ENO4: variants seen among roughly 807,000 people sequenced by gnomAD.
ENO4 encodes the protein 2-phospho-D-glycerate hydro-lyase.
A neutral mutation model predicts 63.2 loss-of-function variants in ENO4; 53 were observed. The observed-to-expected ratio is 0.84, with a 90% CI of 0.67 to 1.05. The LOEUF is 1.05. ENO4 is among the 50% of genes least tolerant of loss of function. The pLI is 0.00. For missense variants in ENO4, 719 were observed against 772.0 expected (o/e 0.93, Z 0.81); for synonymous variants, 266 against 283.8 (o/e 0.94, Z 0.63).
intron 10 of ENO4, among the ~76,000 whole-genome samples, chr10:116,889,986 C>T (rs1243474946): frequency 6.6e-6 from 1 of 152,078 alleles, no homozygotes; most frequent in Non-Finnish European, 1.5e-5. Context: ...TCATTCCTAT[C>T]GTATGGGAAG....
intron 10 of ENO4, among the ~76,000 whole-genome samples, chr10:116,893,742 T>C (rs1294110260): frequency 6.6e-6 from 1 of 152,098 alleles, no homozygotes; most frequent in Non-Finnish European, 1.5e-5. Context: ...CAAACCTCTC[T>C]TAAGGAATGG....
chr10:116,870,082 ATAAAAGTTTCTTCT>A (rs973668459), intron 8 of ENO4, among the ~76,000 whole-genome samples: 5 of 152,218 alleles, frequency 3.3e-5, no homozygotes, highest in African/African-American at 1.2e-4. Flanking sequence ...TGTTTGCCAA[ATAAAAGTTTCTTCT>A]CATTGACATT....
intron 10 of ENO4, chr10:116,906,677 A>G (rs1361020980): frequency 6.2e-7 from 1 of 1,613,522 alleles, no homozygotes; most frequent in South Asian, 1.1e-5. Context: ...AATCCTTTCT[A>G]ACTCAGTTTC....
chr10:116,853,809 C>G (rs1343044300), intron 1 of ENO4, among the ~76,000 whole-genome samples: 2 of 152,124 alleles, frequency 1.3e-5, no homozygotes, highest in African/African-American at 4.8e-5. Context: ...CTTCTGGGGC[C>G]CCACCTCTGA....
At position 116,866,807 on chromosome 10, in the gene ENO4, T is replaced by TA. The variant is rs778370507; in HGVS notation, c.991-1828dup. 2.3e-3 allele frequency among the ~76,000 whole-genome samples: 321 copies of TA among 138,988 alleles called. 1 individual carries two copies. Among genetic ancestry groups the TA allele is most frequent in the Non-Finnish European group, 2.1e-3 (136 of 63,688 alleles). 91.2% of individuals were successfully genotyped at this position (138,988 alleles called of 152,430 possible). On this transcript the variant is annotated intron_variant, in intron 7 of 13. Coordinates refer to ENST00000341276, the MANE Select transcript of ENO4 (RefSeq NM_001242699.2). ...GTGACAGAGGGAGATCCTGTCCCAT[T>TA]AAAAAAAAAAAAAAATCCTGTATGG...
At chr10:116,879,848 T>TA (rs994669722) in intron 12 of ENO4, 21 bp from the exon 13 acceptor site, 2 of 1,529,320 alleles carry the variant, frequency 1.3e-6, no homozygotes, top group African/African-American at 2.8e-5. Flanking sequence ...CGTCTAAAAT[T>TA]AGTTTTTTCC....
At chr10:116,884,172 G>A, downstream of ENO4, 1 of 454,662 alleles carries the variant, frequency 2.2e-6, no homozygotes, top group Non-Finnish European at 4.4e-6. Context: ...TGTAAGTTTT[G>A]TGTGTGCAAT....
chr10:116,849,690 T>G lies in ENO4; in HGVS notation c.124T>G (p.Ser42Ala), dbSNP rs1845999070. 6.5e-7 allele frequency: 1 copy of G among 1,547,284 alleles called. No individual in the cohort carries two copies. Among genetic ancestry groups the G allele is most frequent in the Non-Finnish European group, 8.7e-7 (1 of 1,145,510 alleles). Reference protein sequence around the residue: ...VPRRLEELLNSTFYLQPADVY... With the variant: ...VPRRLEELLNATFYLQPADVY... ...GCGCAGGCTGGAAGAGCTGCTCAAC[T>G]CCACCTTCTACCTCCAGCCTGCCGA... The change falls in exon 1 of 14, where the codon TCC (serine) becomes GCC (alanine). Residue 42 changes from serine (S) to alanine (A), a missense_variant. Physicochemically the swap from Ser to Ala is moderately conservative, Grantham distance 99 (BLOSUM62 1). Transcript: ENST00000341276.
intron 9 of ENO4, among the ~76,000 whole-genome samples, chr10:116,873,074 T>C (rs1846740552): frequency 1.3e-5 from 2 of 152,210 alleles, no homozygotes; most frequent in African/African-American, 4.8e-5. Flanking sequence ...TTGCTTATAT[T>C]CAGTAAAATG....
intron 1 of ENO4, among the ~76,000 whole-genome samples, chr10:116,854,063 TA>T (rs1846175104): frequency 6.6e-6 from 1 of 152,198 alleles, no homozygotes; most frequent in Admixed American, 6.5e-5. Flanking sequence ...GTGGGCTTTC[TA>T]TCTCAGCTTC....
At chr10:116,864,930 G>A (rs996783913) in intron 7 of ENO4, among the ~76,000 whole-genome samples, 1 of 151,844 alleles carries the variant, frequency 6.6e-6, no homozygotes, top group Non-Finnish European at 1.5e-5. Context: ...TGAGGCAGGA[G>A]AATCACTTGA....
At chr10:116,890,120 A>C (rs1365275626) in intron 10 of ENO4, among the ~76,000 whole-genome samples, 1 of 152,038 alleles carries the variant, frequency 6.6e-6, no homozygotes, top group Non-Finnish European at 1.5e-5. Flanking sequence ...AGAAGCTCAA[A>C]TGCAACACTT....
intron 10 of ENO4, among the ~76,000 whole-genome samples, chr10:116,874,870 C>T (rs538597153): frequency 2.6e-4 from 40 of 152,176 alleles, no homozygotes; most frequent in Middle Eastern, 3.4e-3. Flanking sequence ...AACAAGGTTT[C>T]GCCATGTTGC....
chr10:116,870,967 T>C (rs966194386), intron 8 of ENO4, among the ~76,000 whole-genome samples, 158 bp from the exon 9 acceptor site: 1 of 152,182 alleles, frequency 6.6e-6, no homozygotes, highest in African/African-American at 2.4e-5. Flanking sequence ...AGGGGAATCA[T>C]ATGCCCTAAG....
downstream of ENO4, chr10:116,885,387 T>G (rs544487042): frequency 6.5e-5 from 10 of 152,748 alleles, no homozygotes; most frequent in East Asian, 1.9e-3. Context: ...ACATTTCTAT[T>G]TATTCACTGT....
chr10:116,891,659 C>CTA (rs1193362330), intron 10 of ENO4, among the ~76,000 whole-genome samples: 1 of 152,098 alleles, frequency 6.6e-6, no homozygotes, highest in Non-Finnish European at 1.5e-5. Context: ...ACAGTAGTGG[C>CTA]ATTACAGCAG....
At chr10:116,851,774 C>A (rs1267921665) in intron 1 of ENO4, among the ~76,000 whole-genome samples, 3 of 152,100 alleles carry the variant, frequency 2.0e-5, no homozygotes, top group African/African-American at 7.2e-5. Flanking sequence ...TCCTCTACAC[C>A]GAATCACTGA....
chr10:116,885,053 C>T (rs1335101077), downstream of ENO4: 1 of 152,580 alleles, frequency 6.6e-6, no homozygotes, highest in African/African-American at 2.4e-5. Flanking sequence ...AGATAATTAT[C>T]TCCAAATTTA....
rs774867205 is a variant in ENO4 at position 116,911,739 on chromosome 10, TCTC to T, written c.*170_*172del. On this transcript the variant is annotated 3_prime_UTR_variant, in exon 11 of 11. Transcript: ENST00000369207. ...TCACAAAAAACAGATTTTAAAATACTCTCCTTTCATTTCCCCATTAGCTAAACA... is the reference window on the plus strand; with the variant it reads ...TCACAAAAAACAGATTTTAAAATACTCTTTCATTTCCCCATTAGCTAAACA... 3 of 1,574,882 alleles carry T rather than the reference TCTC, an allele frequency of 1.9e-6. No homozygotes were observed. In the South Asian group the frequency reaches 3.4e-5, roughly 18 times the overall value.
Sources: allele counts gnomAD v4.1 joint callset (sites outside exome capture counted in the v4.1 genomes callset), GRCh38; gene constraint gnomAD v4.1.1; transcripts MANE v1.5; gene names NCBI Gene and HGNC (gene_info 2026-07-23, HGNC 2026-07-21).